The following OMA1 variants were observed in gnomAD, a reference collection of about 807,000 sequenced individuals.
OMA1 encodes the protein OMA1 zinc metallopeptidase.
Under a neutral mutation model 30.9 loss-of-function variants are expected in OMA1, and 38 were observed. The observed-to-expected ratio is 1.23, with a 90% CI of 0.95 to 1.61. The LOEUF (loss-of-function observed/expected upper bound fraction) is 1.61, where lower values mean the gene tolerates loss of function less well. OMA1 is among the 40% of genes most tolerant of loss of function. The probability of loss-of-function intolerance (pLI) is 0.00; values close to 1 mark genes in which losing one functional copy is unlikely to be tolerated. For synonymous variants in OMA1, 173 were observed against 121.9 expected (o/e 1.42, Z -2.76); for missense variants, 461 against 349.2 (o/e 1.32, Z -2.55).
chr1:58,480,903 G>T lies in OMA1; in HGVS notation c.*62C>A. The T allele has an allele frequency of 9.6e-6, 7 of 728,056 alleles. No homozygotes were observed. Among genetic ancestry groups the T allele is most frequent in the South Asian group, 1.9e-5 (1 of 52,072 alleles). The allele number at this position is 728,056 out of a possible 1,614,324, so 45.1% of individuals were successfully genotyped here. A position where few individuals can be genotyped will look rare whatever the true frequency, so the allele number is the denominator to read the frequency against. On this transcript the variant is annotated 3_prime_UTR_variant, in exon 9 of 9. Coordinates refer to ENST00000371226, the MANE Select transcript of OMA1 (RefSeq NM_145243.5). ...CACTTCAAACATCATTTTTTAAAAAGTAACATAAAATGATAAGGACTGCAA... is the reference window on the plus strand; with the variant it reads ...CACTTCAAACATCATTTTTTAAAAATTAACATAAAATGATAAGGACTGCAA...
chr1:58,545,901 C>T, intron 1 of OMA1, among the ~76,000 whole-genome samples: 1 of 152,114 alleles, frequency 6.6e-6, no homozygotes. Flanking sequence ...GGTTCTTAAG[C>T]TTCCAAATGT....
intron 8 of OMA1, among the ~76,000 whole-genome samples, chr1:58,494,915 C>T (rs1431802198): frequency 6.6e-6 from 1 of 152,194 alleles, no homozygotes; most frequent in Non-Finnish European, 1.5e-5. Flanking sequence ...CATCGCATTA[C>T]TGGGTATATA....
chr1:58,528,173 T>C (rs1284296907), intron 6 of OMA1, among the ~76,000 whole-genome samples: 2 of 152,234 alleles, frequency 1.3e-5, no homozygotes, highest in African/African-American at 4.8e-5. Context: ...GTATATCATA[T>C]AATGCCTTCA....
intron 7 of OMA1, among the ~76,000 whole-genome samples, chr1:58,509,508 G>C (rs1646039627): frequency 6.8e-6 from 1 of 147,982 alleles, no homozygotes. Flanking sequence ...GTTCTAAGAG[G>C]ATGGTTTATA....
chr1:58,492,966 AAG>A (rs1645725793), intron 8 of OMA1, among the ~76,000 whole-genome samples: 1 of 152,212 alleles, frequency 6.6e-6, no homozygotes, highest in Non-Finnish European at 1.5e-5. Context: ...ACAACAAAAA[AAG>A]AGAATTTTAG....
intron 3 of OMA1, among the ~76,000 whole-genome samples, chr1:58,535,292 T>C (rs917510333): frequency 3.9e-5 from 6 of 152,184 alleles, no homozygotes; most frequent in African/African-American, 1.2e-4. Flanking sequence ...ATAAAGTGTA[T>C]GCTTTTTTTC....
chr1:58,522,947 A>T (rs1328218730), intron 7 of OMA1, among the ~76,000 whole-genome samples: 1 of 152,212 alleles, frequency 6.6e-6, no homozygotes, highest in Admixed American at 6.5e-5. Context: ...GTAGAACGGG[A>T]GACAGGAAAG....
rs190105315 is a variant in OMA1, at chr1:58,512,287, T to C, written c.1216-6078A>G. Among the ~76,000 whole-genome samples the C allele has an allele frequency of 1.6e-3, 249 of 152,310 alleles. 1 individual carries two copies. Among genetic ancestry groups the C allele is most frequent in the African/African-American group, 5.8e-3 (243 of 41,566 alleles). ...AAGGATGTGAAGAAACTGGAACTCT[T>C]GTACACTGTCAGTGAGAACATAAAA... is the stretch of plus-strand genomic sequence containing the variant. On this transcript the variant is annotated intron_variant, in intron 7 of 8. Transcript: ENST00000371226.
At position 58,506,168 on chromosome 1, in the gene OMA1, T is replaced by A. The variant is rs762447690; in HGVS notation, c.1257A>T (p.Gln419His). The change falls in exon 8 of 9, where the codon CAA (glutamine) becomes CAT (histidine). Residue 419 changes from glutamine to histidine, a missense_variant. Gln to His is a conservative substitution (Grantham distance 24). Transcript: ENST00000371226. ...DIRASSVFWQ[Q>H]MEFVDSLHGQ... The stretch of plus-strand genomic sequence containing the variant: ...CATGCAGGCTATCAACGAACTCCAT[T>A]TGCTGCCAAAACACTGAACTGGCTC... 3.2e-5 allele frequency: 28 copies of A among 872,014 alleles called. No homozygotes were observed. In the South Asian group the frequency reaches 3.7e-4, roughly 11 times the overall value. 54.0% of individuals were successfully genotyped at this position (872,014 alleles called of 1,614,324 possible). A position where few individuals can be genotyped will look rare whatever the true frequency, so the allele number is the denominator to read the frequency against.
intron 7 of OMA1, among the ~76,000 whole-genome samples, chr1:58,520,007 C>CTA (rs1181087291): frequency 6.6e-6 from 1 of 152,102 alleles, no homozygotes; most frequent in Non-Finnish European, 1.5e-5. Flanking sequence ...AGTGATTAGC[C>CTA]TATTGCATGT....
chr1:58,514,651 G>C (rs961987620), intron 7 of OMA1, among the ~76,000 whole-genome samples: 3 of 152,106 alleles, frequency 2.0e-5, no homozygotes, highest in Non-Finnish European at 4.4e-5. Context: ...ATAATCATCT[G>C]AGACAATACT....
rs556653871 is a variant in OMA1 at position 58,538,283 on chromosome 1, G to T, written c.500+512C>A. ...AAGGAAAAAAACAAAGATTTGTTGG[G>T]AACAGAATAGAAAGAAAAGAAGCAT... On this transcript the variant is annotated intron_variant, in intron 2 of 8. Coordinates refer to ENST00000371226, the MANE Select transcript of OMA1 (RefSeq NM_145243.5). 1.9e-3 allele frequency among the ~76,000 whole-genome samples: 282 copies of T among 152,218 alleles called. 2 individuals carry two copies. The highest frequency in any genetic ancestry group is 6.4e-3 in the African/African-American group (266 of 41,548).
intron 7 of OMA1, among the ~76,000 whole-genome samples, chr1:58,507,941 A>C (rs1286291414): frequency 1.3e-5 from 2 of 152,208 alleles, no homozygotes; most frequent in Non-Finnish European, 2.9e-5. Context: ...AATGGACTAC[A>C]AATTCACGAA....
chr1:58,509,312 G>A (rs985218552), intron 7 of OMA1, among the ~76,000 whole-genome samples: 2 of 151,632 alleles, frequency 1.3e-5, no homozygotes, highest in Admixed American at 6.6e-5. Flanking sequence ...CGAACAAAGT[G>A]AGAATTTCAA....
At chr1:58,486,951 C>G (rs1645586033) in intron 8 of OMA1, among the ~76,000 whole-genome samples, 1 of 152,102 alleles carries the variant, frequency 6.6e-6, no homozygotes, top group Admixed American at 6.5e-5. Flanking sequence ...AAATTACGTG[C>G]CTGGAAGACA....
chr1:58,539,733 G>A (rs992080494), intron 1 of OMA1, among the ~76,000 whole-genome samples: 1 of 152,198 alleles, frequency 6.6e-6, no homozygotes, highest in African/African-American at 2.4e-5. Context: ...ATGAAGAACA[G>A]TGATCCCTAA....
chr1:58,481,722 T>C (rs1055217323), intron 8 of OMA1, among the ~76,000 whole-genome samples: 5 of 152,158 alleles, frequency 3.3e-5, no homozygotes, highest in Non-Finnish European at 7.4e-5. Flanking sequence ...AACTGAATCA[T>C]GGAGGTGGGT....
At chr1:58,516,461 T>A (rs1646159201) in intron 7 of OMA1, among the ~76,000 whole-genome samples, 1 of 152,246 alleles carries the variant, frequency 6.6e-6, no homozygotes, top group Non-Finnish European at 1.5e-5. Flanking sequence ...CTTGTTATTC[T>A]ATGCTTAATT....
chr1:58,501,835 G>A lies in OMA1; in HGVS notation c.1365+4225C>T, dbSNP rs560692216. Reference sequence around the variant, plus strand: ...TAAGGCCTAAAAGGAGGTAACTAAGGTTTAATGAGGTCTGAAGGGTGGGGC... The same window carrying A: ...TAAGGCCTAAAAGGAGGTAACTAAGATTTAATGAGGTCTGAAGGGTGGGGC... On this transcript the variant is annotated intron_variant, in intron 8 of 8. Transcript: ENST00000371226. Among the ~76,000 whole-genome samples the A allele has an allele frequency of 4.6e-5, 7 of 152,210 alleles. No individual in the cohort carries two copies. In the South Asian group the frequency reaches 1.5e-3, roughly 32 times the overall value.
Sources: gnomAD v4.1 joint callset for allele counts (sites outside exome capture counted in the v4.1 genomes callset) on GRCh38, gnomAD v4.1.1 for gene constraint, MANE v1.5 for transcripts, NCBI Gene and HGNC (gene_info 2026-07-23, HGNC 2026-07-21) for gene names.